DSC1: variants seen among roughly 807,000 people sequenced by gnomAD.
DSC1 encodes desmocollin 1.
A neutral mutation model predicts 98.8 loss-of-function variants in DSC1; 79 were observed. The ratio of observed to expected loss-of-function variants is 0.80; its 90% CI spans 0.67 to 0.96. The LOEUF is 0.96. Ranked by LOEUF, DSC1 falls within the 50% of genes least tolerant of loss-of-function variation. The pLI is 0.00. For missense variants in DSC1, 1,115 were observed against 1,075.9 expected (o/e 1.04, Z -0.51); for synonymous variants, 405 against 372.1 (o/e 1.09, Z -1.02).
rs1394534061 is a variant in DSC1 at position 31,154,843 on chromosome 18, G to A, written c.558C>T (p.Tyr186=). The A allele has an allele frequency of 5.6e-6, 9 of 1,613,978 alleles. No homozygotes were observed. Among genetic ancestry groups the A allele is most frequent in the Non-Finnish European group, 7.6e-6 (9 of 1,179,958 alleles). The change falls in exon 5 of 16, where the codon TAC becomes TAT. Residue 186 remains tyrosine (Y), a synonymous_variant. Transcript: ENST00000257198. The stretch of plus-strand genomic sequence containing the variant: ...AGATATCCCCAGTGTCTTTCTCTAT[G>A]TAAAACAAATTGAAGGGTTCTTTGT... ...GVDKEPFNLF[Y]IEKDTGDIFC... is the part of the protein sequence containing the mutation.
chr18:31,158,323 A>G (rs1989141309), intron 2 of DSC1, among the ~76,000 whole-genome samples: 1 of 152,190 alleles, frequency 6.6e-6, no homozygotes, highest in African/African-American at 2.4e-5. Flanking sequence ...TCCCAGTAAT[A>G]TTGCAAATAA....
At position 31,134,016 on chromosome 18, in the gene DSC1, A is replaced by G; in HGVS notation, c.1991T>C (p.Val664Ala). The G allele has an allele frequency of 6.2e-7, 1 of 1,613,116 alleles. No homozygotes were observed. Among genetic ancestry groups the G allele is most frequent in the Non-Finnish European group, 8.5e-7 (1 of 1,179,624 alleles). Residue 664 changes from valine to alanine, a missense_variant, in exon 13 of 16, where the codon GTA (valine) becomes GCA (alanine). Coordinates refer to ENST00000257198, the MANE Select transcript of DSC1 (RefSeq NM_024421.2). ...CTCAGATGGAGTTGAACAGTCACATACTCTCACTGTTAACATATGTGTTGC... is the reference window on the plus strand; with the variant it reads ...CTCAGATGGAGTTGAACAGTCACATGCTCTCACTGTTAACATATGTGTTGC... ...LVATHMLTVR[V>A]CDCSTPSECR...
chr18:31,153,343 A>G (rs922391089), intron 5 of DSC1, among the ~76,000 whole-genome samples: 2 of 152,160 alleles, frequency 1.3e-5, no homozygotes, highest in African/African-American at 4.8e-5. Context: ...AGAACTTACT[A>G]TCAATTATTT....
chr18:31,147,948 CTT>C (rs1315296262), intron 6 of DSC1, among the ~76,000 whole-genome samples: 5 of 150,774 alleles, frequency 3.3e-5, no homozygotes, highest in Non-Finnish European at 7.4e-5. Context: ...TTAAATGACA[CTT>C]TTTAAAAAAC....
chr18:31,159,449 G>T lies in DSC1; in HGVS notation c.144C>A (p.Gly48=), dbSNP rs762926639. ...ACTGTTAATAGTGTTTCTCACCTTTGCCTACAAGTGTTTCAGCCTGAAGAT... is the reference window on the plus strand; with the variant it reads ...ACTGTTAATAGTGTTTCTCACCTTTTCCTACAAGTGTTTCAGCCTGAAGAT... ...PSHLQAETLV[G]KVNLEECLKS... Residue 48 remains glycine, a synonymous_variant, in exon 2 of 16, where the codon GGC becomes GGA. Coordinates refer to ENST00000257198, the MANE Select transcript of DSC1 (RefSeq NM_024421.2). 4 of 1,611,686 alleles carry T rather than the reference G, an allele frequency of 2.5e-6. No homozygotes were observed. The highest frequency in any genetic ancestry group is 2.5e-6 in the Non-Finnish European group (3 of 1,179,070).
chr18:31,134,490 A>T, intron 12 of DSC1, 82 bp downstream of exon 12: 1 of 1,146,368 alleles, frequency 8.7e-7, no homozygotes, highest in Non-Finnish European at 1.2e-6. Context: ...ATAAATGTGT[A>T]TTTATTATGA....
intron 2 of DSC1, among the ~76,000 whole-genome samples, chr18:31,157,914 T>TTTATGTC (rs1989132705): frequency 6.6e-6 from 1 of 152,182 alleles, no homozygotes; most frequent in Non-Finnish European, 1.5e-5. Context: ...TCATAAGTGG[T>TTTATGTC]ATAACCGTAT....
chr18:31,131,343 C>T (rs1419056849), intron 15 of DSC1: 15 of 493,478 alleles, frequency 3.0e-5, no homozygotes, highest in Non-Finnish European at 3.9e-5. Context: ...AGGCTATGAA[C>T]CTTTTATCCT....
At chr18:31,150,268 CACCACTACCAT>C (rs1988948262) in intron 5 of DSC1, among the ~76,000 whole-genome samples, 1 of 86,382 alleles carries the variant, frequency 1.2e-5, no homozygotes, top group Admixed American at 1.7e-4. Flanking sequence ...CCATCATCAT[CACCACTACCAT>C]CACCACCACC....
Position 31,132,586 on chromosome 18 carries a change from T to A in DSC1, c.2220A>T (p.Gly740=). The part of the protein sequence containing the change: ...QQNLIVSNTE[G]PGEEVTEANI... ...GATTTACCGTTACTTCTTCTCCAGG[T>A]CCTTCAGTATTTGATACAATTAAAT... is the stretch of plus-strand genomic sequence containing the variant. The change falls in exon 14 of 16, where the codon GGA becomes GGT. Residue 740 remains glycine (G), a synonymous_variant. Transcript: ENST00000257198. The A allele has an allele frequency of 6.2e-7, 1 of 1,613,442 alleles. No homozygotes were observed. Among genetic ancestry groups the A allele is most frequent in the South Asian group, 1.1e-5 (1 of 91,048 alleles).
chr18:31,133,579 A>C (rs1479025896), intron 13 of DSC1, among the ~76,000 whole-genome samples: 1 of 152,116 alleles, frequency 6.6e-6, no homozygotes, highest in African/African-American at 2.4e-5. Context: ...CATGGAGGGA[A>C]TCTTAATAGT....
chr18:31,139,714 T>C (rs1489311556), intron 11 of DSC1, 34 bp downstream of exon 11: 3 of 1,528,116 alleles, frequency 2.0e-6, no homozygotes, highest in African/African-American at 2.8e-5. Flanking sequence ...ACATGTCATA[T>C]ATTTATATTT....
intron 5 of DSC1, among the ~76,000 whole-genome samples, chr18:31,150,274 T>C (rs1469937069): frequency 0.014 from 536 of 37,586 alleles, no homozygotes; most frequent in African/African-American, 0.015. Context: ...TCATCACCAC[T>C]ACCATCACCA....
At chr18:31,134,194 C>T (rs1048619870) in intron 12 of DSC1, 64 bp from the exon 13 acceptor site, 89 of 1,527,178 alleles carry the variant, frequency 5.8e-5, no homozygotes, top group Non-Finnish European at 7.2e-5. Flanking sequence ...TATTCCTACT[C>T]AATATTCTCA....
chr18:31,132,492 T>A (rs1433493950), intron 14 of DSC1, 76 bp downstream of exon 14: 1 of 1,561,662 alleles, frequency 6.4e-7, no homozygotes, highest in Admixed American at 1.7e-5. Context: ...AGTGATATTA[T>A]CATTGACATT....
In DSC1 at chr18:31,134,073, G is replaced by C; in HGVS notation, c.1934C>G (p.Pro645Arg). Residue 645 changes from proline (P) to arginine (R), a missense_variant, in exon 13 of 16, where the codon CCT becomes CGT. Transcript: ENST00000257198. Reference sequence around the variant, plus strand: ...ACCATGCCTGTCTTTTATTTGAATAGGCACAGAATAATAGTTATAATCAAG... The same window carrying C: ...ACCATGCCTGTCTTTTATTTGAATACGCACAGAATAATAGTTATAATCAAG... ...QNLDYNYYSV[P>R]IQIKDRHGLV... 2 of 1,610,844 alleles carry C rather than the reference G, an allele frequency of 1.2e-6. No homozygotes were observed. The highest frequency in any genetic ancestry group is 1.7e-6 in the Non-Finnish European group (2 of 1,179,514).
intron 11 of DSC1, among the ~76,000 whole-genome samples, chr18:31,137,812 T>C (rs570914659): frequency 1.3e-5 from 2 of 152,246 alleles, no homozygotes; most frequent in Non-Finnish European, 2.9e-5. Flanking sequence ...AATGCTACTC[T>C]AGGTGGAAGG....
rs1185604618 is a variant in DSC1, at chr18:31,134,008, A to C, written c.1999T>G (p.Cys667Gly). 1.9e-6 allele frequency: 3 copies of C among 1,613,378 alleles called. No homozygotes were observed. The highest frequency in any genetic ancestry group is 2.5e-6 in the Non-Finnish European group (3 of 1,179,670). ...ATTCTACACTCAGATGGAGTTGAACAGTCACATACTCTCACTGTTAACATA... is the reference window on the plus strand; with the variant it reads ...ATTCTACACTCAGATGGAGTTGAACCGTCACATACTCTCACTGTTAACATA... ...THMLTVRVCD[C>G]STPSECRMKD... Residue 667 changes from cysteine to glycine, a missense_variant, in exon 13 of 16, where the codon TGT (cysteine) becomes GGT (glycine). Transcript: ENST00000257198.
intron 2 of DSC1, among the ~76,000 whole-genome samples, chr18:31,158,011 G>A (rs1290276849): frequency 1.3e-5 from 2 of 152,200 alleles, no homozygotes; most frequent in African/African-American, 4.8e-5. Context: ...GCTCACACCT[G>A]TAATCCCAGC....
Sources: gnomAD v4.1 joint callset for allele counts (sites outside exome capture counted in the v4.1 genomes callset) on GRCh38, gnomAD v4.1.1 for gene constraint, MANE v1.5 for transcripts, NCBI Gene and HGNC (gene_info 2026-07-23, HGNC 2026-07-21) for gene names.